CATSPERD: variants seen among roughly 807,000 people sequenced by gnomAD.
The protein encoded by CATSPERD is catsper channel auxiliary subunit delta.
A neutral mutation model predicts 98.1 loss-of-function variants in CATSPERD; 86 were observed. The ratio of observed to expected loss-of-function variants is 0.88; its 90% confidence interval spans 0.74 to 1.05. The LOEUF is 1.05. CATSPERD is among the 50% of genes least tolerant of loss of function. CATSPERD has a pLI of 0.00. For synonymous variants in CATSPERD, 394 were observed against 390.2 expected (o/e 1.01, Z -0.12); for missense variants, 995 against 1,005.7 (o/e 0.99, Z 0.14).
At chr19:5,768,698 A>T (rs1214296152) in intron 18 of CATSPERD, among the ~76,000 whole-genome samples, 1 of 152,054 alleles carries the variant, frequency 6.6e-6, no homozygotes, top group Non-Finnish European at 1.5e-5. Context: ...CAGCGATGCG[A>T]TCATAGCTCA....
chr19:5,772,619 C>A (rs560103615), intron 19 of CATSPERD, among the ~76,000 whole-genome samples, 169 bp from the exon 20 acceptor site: 8 of 152,062 alleles, frequency 5.3e-5, no homozygotes, highest in Non-Finnish European at 1.0e-4. Context: ...CTGGCCTCCC[C>A]GCAGCCCACA....
At chr19:5,742,058 CA>C (rs554619005) in intron 7 of CATSPERD, among the ~76,000 whole-genome samples, 5 of 150,078 alleles carry the variant, frequency 3.3e-5, no homozygotes, top group Admixed American at 2.7e-4. Context: ...AAAGAACAAA[CA>C]AAAAAAACAA....
At position 5,767,902 on chromosome 19, in the gene CATSPERD, T is replaced by C. The variant is rs541560367; in HGVS notation, c.1560-266T>C. Among the ~76,000 whole-genome samples, 216 of 152,262 alleles carry C rather than the reference T, an allele frequency of 1.4e-3. 1 individual carries two copies. The highest frequency in any genetic ancestry group is 1.2e-3 in the Non-Finnish European group (82 of 68,024). ...ACCTCCGCCTCCCAGGTTCAAGTGA[T>C]TCTCCTGCCTCAGCCTCCCAAGAAG... On this transcript the variant is annotated intron_variant, in intron 17 of 21. Transcript: ENST00000381624.
At position 5,744,479 on chromosome 19, in the gene CATSPERD, A is replaced by G. The variant is rs767956945; in HGVS notation, c.626A>G (p.Gln209Arg). The change falls in exon 8 of 22, where the codon CAG (glutamine) becomes CGG (arginine). Residue 209 changes from glutamine to arginine, a missense_variant. Physicochemically the swap from Gln to Arg is conservative, Grantham distance 43. This residue lies in a region of CATSPERD where 762 missense variants were observed against 773.7 expected (regional missense o/e 0.98). Transcript: ENST00000381624. The part of the protein sequence containing the change: ...GGIFHFFSLS[Q>R]VAMLVVNQGK... The stretch of plus-strand genomic sequence containing the variant: ...ATCTTCCACTTTTTTTCTTTGTCAC[A>G]GGTTGCGATGCTTGTAGTGAATCAA... The G allele has an allele frequency of 1.9e-6, 3 of 1,612,524 alleles. No homozygotes were observed. The East Asian group carries it at 6.7e-5, about 36-fold the overall frequency.
At chr19:5,731,003 A>C (rs1360002657) in intron 4 of CATSPERD, among the ~76,000 whole-genome samples, 1 of 151,458 alleles carries the variant, frequency 6.6e-6, no homozygotes, top group Admixed American at 6.6e-5. Context: ...GAGGCAGGAG[A>C]ATGGCATGAA....
intron 20 of CATSPERD, 48 bp downstream of exon 20, chr19:5,773,013 G>A (rs772457363): frequency 1.3e-6 from 2 of 1,580,086 alleles, no homozygotes; most frequent in Non-Finnish European, 1.7e-6. Flanking sequence ...AGCCCACCAG[G>A]GGGTGGGAGA....
intron 6 of CATSPERD, among the ~76,000 whole-genome samples, chr19:5,737,486 G>A (rs997042403): frequency 6.7e-6 from 1 of 149,028 alleles, no homozygotes; most frequent in Non-Finnish European, 1.5e-5. Context: ...GGAGATCGAG[G>A]CTGCAATGAG....
chr19:5,778,420 C>T lies in CATSPERD; in HGVS notation c.2141C>T (p.Ala714Val). The T allele has an allele frequency of 6.2e-7, 1 of 1,613,784 alleles. No homozygotes were observed. Among genetic ancestry groups the T allele is most frequent in the Non-Finnish European group, 8.5e-7 (1 of 1,179,982 alleles). Residue 714 changes from alanine to valine, a missense_variant, in exon 22 of 22, where the codon GCA (alanine) becomes GTA (valine). Around this residue, in one of 3 missense-constraint regions of CATSPERD, gnomAD observed 762 missense variants for 773.7 expected, o/e 0.98. Transcript: ENST00000381624. ...ETIFSIYVYG[A>V]FPVQLVSAGV... ...ATCTTTAGCATCTACGTGTATGGAG[C>T]ATTCCCCGTGCAGCTGGTCTCTGCT...
At chr19:5,734,410 G>A (rs1444531662) in intron 5 of CATSPERD, among the ~76,000 whole-genome samples, 2 of 151,000 alleles carry the variant, frequency 1.3e-5, no homozygotes, top group Admixed American at 1.3e-4. Flanking sequence ...AGACTGAGGC[G>A]GGCGGATCAT....
At chr19:5,723,782 GT>G (rs539899078) in intron 1 of CATSPERD, among the ~76,000 whole-genome samples, 21 of 134,822 alleles carry the variant, frequency 1.6e-4, no homozygotes, top group South Asian at 2.4e-4. Flanking sequence ...TTTTGTTTTT[GT>G]TTTTTTTTTT....
rs202217662 is a variant in CATSPERD, at chr19:5,724,772, T to C, written c.72-36T>C. 85 of 1,606,230 alleles carry C rather than the reference T, an allele frequency of 5.3e-5. No homozygotes were observed. In the African/African-American group the frequency reaches 1.1e-3, roughly 20 times the overall value. On this transcript the variant is annotated intron_variant, in intron 1 of 21. Transcript: ENST00000381624. ...AGGAGGATTCATGCTGAATATTCAATAAAAATTGACAGATGGTCTTTCTTG... is the reference window on the plus strand; with the variant it reads ...AGGAGGATTCATGCTGAATATTCAACAAAAATTGACAGATGGTCTTTCTTG...
chr19:5,738,088 C>T (rs1007553853), intron 6 of CATSPERD, among the ~76,000 whole-genome samples: 5 of 151,850 alleles, frequency 3.3e-5, no homozygotes, highest in African/African-American at 9.7e-5. Flanking sequence ...AGTTGAAAAT[C>T]CACAGGTAAC....
chr19:5,728,038 C>CAAAA lies in CATSPERD; in HGVS notation c.203+708_203+711dup, dbSNP rs56411287. On this transcript the variant is annotated intron_variant, in intron 3 of 21. Coordinates refer to ENST00000381624, the MANE Select transcript of CATSPERD (RefSeq NM_152784.4). ...GAATATAGCAAGATCCCAGTATCTACAAAAAAAAAAAAAAAAATACAGAAA... is the reference window on the plus strand; with the variant it reads ...GAATATAGCAAGATCCCAGTATCTACAAAAAAAAAAAAAAAAAAAAATACAGAAA... Among the ~76,000 whole-genome samples the CAAAA allele has an allele frequency of 5.5e-3, 709 of 128,340 alleles. 7 individuals are homozygous for CAAAA. The highest frequency in any genetic ancestry group is 0.017 in the Middle Eastern group (4 of 242). 84.2% of individuals were successfully genotyped at this position (128,340 alleles called of 152,430 possible). A position where few individuals can be genotyped will look rare whatever the true frequency, so the allele number is the denominator to read the frequency against.
intron 12 of CATSPERD, chr19:5,753,573 A>AG: frequency 2.4e-6 from 1 of 415,790 alleles, no homozygotes; most frequent in Non-Finnish European, 4.7e-6. Context: ...AAAAAAAAAA[A>AG]AGAAACAGAA....
chr19:5,742,420 G>A (rs551582339), intron 7 of CATSPERD, among the ~76,000 whole-genome samples: 1 of 152,132 alleles, frequency 6.6e-6, no homozygotes, highest in Non-Finnish European at 1.5e-5. Context: ...AGAGGTTACC[G>A]CAGAGAATAG....
chr19:5,722,202 A>C (rs2055500581), intron 1 of CATSPERD, among the ~76,000 whole-genome samples: 1 of 150,608 alleles, frequency 6.6e-6, no homozygotes, highest in African/African-American at 2.4e-5. Flanking sequence ...GCTCACTGCA[A>C]CCTCCGCCTC....
At position 5,762,778 on chromosome 19, in the gene CATSPERD, G is replaced by A. The variant is rs531468353; in HGVS notation, c.1428-437G>A. On this transcript the variant is annotated intron_variant, in intron 15 of 21. Transcript: ENST00000381624. ...GATGGATGGATGGATAGGTGGGTGGGTGGAATGAATGGATGGAAGGATGGA... is the reference window on the plus strand; with the variant it reads ...GATGGATGGATGGATAGGTGGGTGGATGGAATGAATGGATGGAAGGATGGA... Among the ~76,000 whole-genome samples the A allele has an allele frequency of 3.0e-3, 449 of 151,542 alleles. 2 individuals are homozygous for A. The highest frequency in any genetic ancestry group is 4.6e-3 in the Non-Finnish European group (315 of 67,874).
chr19:5,753,076 G>T (rs2056251599), intron 12 of CATSPERD, among the ~76,000 whole-genome samples: 1 of 151,406 alleles, frequency 6.6e-6, no homozygotes, highest in South Asian at 2.1e-4. Context: ...GTCTCCCTGT[G>T]TGGTCCAGGT....
chr19:5,739,581 C>T, intron 7 of CATSPERD, 142 bp downstream of exon 7: 1 of 526,716 alleles, frequency 1.9e-6, no homozygotes. Context: ...CCTGTAATCC[C>T]AGCACTTTGG....
Sources: gnomAD v4.1 joint callset for allele counts (sites outside exome capture counted in the v4.1 genomes callset) on GRCh38, gnomAD v4.1.1 for gene constraint, gnomAD v4.1.1 regional missense constraint, MANE v1.5 for transcripts, NCBI Gene and HGNC (gene_info 2026-07-23, HGNC 2026-07-21) for gene names.